NAALADL2: variants seen among roughly 807,000 people sequenced by gnomAD.
NAALADL2 encodes inactive N-acetylated-alpha-linked acidic dipeptidase-like protein 2.
A neutral mutation model predicts 87.2 loss-of-function variants in NAALADL2; 76 were observed. That is an observed-to-expected ratio of 0.87 (90% CI 0.72 to 1.05). The LOEUF (loss-of-function observed/expected upper bound fraction) is 1.05. Among genes scored for constraint, NAALADL2 ranks in the 50% least tolerant of loss-of-function variants. NAALADL2 has a pLI of 0.00. For synonymous variants in NAALADL2, 354 were observed against 331.0 expected, an observed-to-expected ratio of 1.07 and a Z score of -0.75; for missense variants, 1,089 against 945.8, an observed-to-expected ratio of 1.15 and a Z score of -1.99.
intron 1 of NAALADL2, among the ~76,000 whole-genome samples, chr3:174,493,076 C>T (rs562442182): frequency 6.6e-6 from 1 of 152,118 alleles, no homozygotes; most frequent in Non-Finnish European, 1.5e-5. Flanking sequence ...TATGTAGAAA[C>T]ATTCTGAAAA....
chr3:175,288,733 C>T (rs1361711521), intron 4 of NAALADL2, among the ~76,000 whole-genome samples: 4 of 152,080 alleles, frequency 2.6e-5, no homozygotes, highest in African/African-American at 9.7e-5. Flanking sequence ...TTAATATTAC[C>T]CCTGAATATA....
At chr3:174,555,774 A>G (rs1237084272) in intron 2 of NAALADL2, among the ~76,000 whole-genome samples, 2 of 152,134 alleles carry the variant, frequency 1.3e-5, no homozygotes, top group Non-Finnish European at 2.9e-5. Flanking sequence ...CTCTAGAATG[A>G]GGATCTTACT....
chr3:175,362,970 G>A (rs1765196169), intron 5 of NAALADL2, among the ~76,000 whole-genome samples: 1 of 147,474 alleles, frequency 6.8e-6, no homozygotes, highest in Non-Finnish European at 1.5e-5. Flanking sequence ...TGCAACCTTT[G>A]AGTATTTGAC....
chr3:174,451,843 G>GTTTTTTT lies in NAALADL2; in HGVS notation c.-184+10834_-184+10840dup, dbSNP rs764587503. ...TAATGTAGTGCTAAGGATAGTGGGA[G>GTTTTTTT]TTTTTTTTTTTTTTTTTTTTTTTTT... On this transcript the variant is annotated intron_variant, in intron 1 of 3. Coordinates refer to the NAALADL2 transcript ENST00000434257. Among the ~76,000 whole-genome samples the GTTTTTTT allele has an allele frequency of 2.0e-4, 20 of 98,086 alleles. 2 individuals carry two copies. The East Asian group carries it at 2.9e-3, about 14-fold the overall frequency. The allele number at this position is 98,086 out of a possible 152,430, so 64.3% of individuals were successfully genotyped here. A position where few individuals can be genotyped will look rare whatever the true frequency, so the allele number is the denominator to read the frequency against.
intron 1 of NAALADL2, among the ~76,000 whole-genome samples, chr3:174,509,020 C>G (rs1719405344): frequency 6.6e-6 from 1 of 151,850 alleles, no homozygotes; most frequent in Non-Finnish European, 1.5e-5. Context: ...GTGTGGATTC[C>G]TCAGCGTTTT....
intron 1 of NAALADL2, among the ~76,000 whole-genome samples, chr3:174,460,679 TA>T (rs1716161043): frequency 6.6e-6 from 1 of 152,064 alleles, no homozygotes. Context: ...AGTATTATTT[TA>T]AACTTTATAA....
intron 5 of NAALADL2, among the ~76,000 whole-genome samples, chr3:175,350,857 T>C (rs1763682880): frequency 6.6e-6 from 1 of 152,220 alleles, no homozygotes; most frequent in African/African-American, 2.4e-5. Flanking sequence ...TACTGAATTG[T>C]AAATAAAATT....
chr3:174,610,509 A>T (rs1719710785), intron 2 of NAALADL2, among the ~76,000 whole-genome samples: 1 of 152,238 alleles, frequency 6.6e-6, no homozygotes, highest in Non-Finnish European at 1.5e-5. Context: ...GGCGAAAGAC[A>T]TGAAAAGACT....
At chr3:174,872,127 G>C (rs1403911077) in intron 1 of NAALADL2, among the ~76,000 whole-genome samples, 1 of 152,094 alleles carries the variant, frequency 6.6e-6, no homozygotes, top group East Asian at 1.9e-4. Flanking sequence ...ACTTGAAGTA[G>C]TAATATGGGT....
intron 1 of NAALADL2, among the ~76,000 whole-genome samples, chr3:174,922,849 T>C (rs1185072717): frequency 1.3e-5 from 2 of 152,232 alleles, no homozygotes; most frequent in Non-Finnish European, 2.9e-5. Flanking sequence ...GTATTTCTTA[T>C]TGCTGATGTT....
chr3:174,569,228 A>G (rs535300095), intron 2 of NAALADL2, among the ~76,000 whole-genome samples: 2 of 152,086 alleles, frequency 1.3e-5, no homozygotes, highest in East Asian at 1.9e-4. Context: ...TAACGTTTGT[A>G]TATCATTTTC....
chr3:175,176,712 G>A (rs182030569), intron 2 of NAALADL2, among the ~76,000 whole-genome samples: 140 of 152,128 alleles, frequency 9.2e-4, no homozygotes, highest in Non-Finnish European at 1.8e-3. Context: ...GAATTTAAAG[G>A]TGCTAAACTG....
At chr3:175,760,473 T>C (rs996829342) in intron 13 of NAALADL2, among the ~76,000 whole-genome samples, 2 of 152,184 alleles carry the variant, frequency 1.3e-5, no homozygotes, top group African/African-American at 4.8e-5. Context: ...AGTACTGAAC[T>C]TGGTCAGCAA....
At chr3:175,335,108 A>G (rs1761845455) in intron 5 of NAALADL2, among the ~76,000 whole-genome samples, 1 of 152,202 alleles carries the variant, frequency 6.6e-6, no homozygotes, top group African/African-American at 2.4e-5. Flanking sequence ...GAACATCTGG[A>G]CAAAACCTCA....
intron 11 of NAALADL2, among the ~76,000 whole-genome samples, chr3:175,729,768 GTT>G (rs11324916): frequency 4.5e-4 from 56 of 125,550 alleles, no homozygotes; most frequent in African/African-American, 1.4e-3. Flanking sequence ...TCAGCTGAAG[GTT>G]TTTTTTTTTT....
intron 13 of NAALADL2, chr3:175,776,351 C>G (rs1227218346): frequency 6.6e-6 from 1 of 152,106 alleles, no homozygotes; most frequent in Admixed American, 6.6e-5. Flanking sequence ...CTCCTTCCCC[C>G]ATCCAACATT....
chr3:174,692,232 T>C (rs1295969301), intron 2 of NAALADL2, among the ~76,000 whole-genome samples: 2 of 152,196 alleles, frequency 1.3e-5, no homozygotes, highest in Admixed American at 6.5e-5. Context: ...CCTTAATCTA[T>C]GGGTTGCAGA....
At chr3:175,427,363 G>A (rs1040072941) in intron 5 of NAALADL2, among the ~76,000 whole-genome samples, 6 of 151,982 alleles carry the variant, frequency 3.9e-5, no homozygotes, top group Non-Finnish European at 8.8e-5. Context: ...CTACACTTAT[G>A]GAAATAGAAC....
intron 5 of NAALADL2, among the ~76,000 whole-genome samples, chr3:175,336,189 A>G (rs1320523227): frequency 1.5e-4 from 23 of 152,130 alleles, no homozygotes; most frequent in Admixed American, 1.5e-3. Flanking sequence ...ACATTTACAA[A>G]AGTATCTGCA....
Sources: allele counts gnomAD v4.1 joint callset (sites outside exome capture counted in the v4.1 genomes callset), GRCh38; gene constraint gnomAD v4.1.1; transcripts MANE v1.5; gene names NCBI Gene and HGNC (gene_info 2026-07-23, HGNC 2026-07-21).